Variants in NELL1 observed in about 807,000 individuals in gnomAD.
NELL1 encodes protein kinase C-binding protein NELL1.
Under a neutral mutation model 107.4 loss-of-function variants are expected in NELL1, and 76 were observed. The observed-to-expected ratio is 0.71, with a 90% CI of 0.59 to 0.86. The LOEUF is 0.86. NELL1 is among the 40% of genes least tolerant of loss of function. The pLI, the probability that NELL1 is intolerant of heterozygous loss-of-function variation, is 0.00. For synonymous variants in NELL1, 353 were observed against 341.2 expected, an observed-to-expected ratio of 1.03 and a Z score of -0.38; for missense variants, 1,024 against 1,005.5, an observed-to-expected ratio of 1.02 and a Z score of -0.25.
intron 15 of NELL1, among the ~76,000 whole-genome samples, chr11:21,515,892 G>A (rs1371339313): frequency 5.9e-5 from 9 of 152,184 alleles, no homozygotes; most frequent in Admixed American, 5.2e-4. Context: ...TGAGCTGAAC[G>A]AGTAGCTTCA....
At chr11:21,435,201 T>C (rs1853075537) in intron 15 of NELL1, among the ~76,000 whole-genome samples, 1 of 152,134 alleles carries the variant, frequency 6.6e-6, no homozygotes, top group Admixed American at 6.6e-5. Context: ...ATAGGACTTC[T>C]GGTCCTATCT....
chr11:20,995,250 T>G (rs1447760190), intron 12 of NELL1, among the ~76,000 whole-genome samples: 1 of 152,090 alleles, frequency 6.6e-6, no homozygotes, highest in Non-Finnish European at 1.5e-5. Context: ...CTAATTTTAG[T>G]AGCTGTAAAT....
At chr11:21,081,049 G>T (rs1854256208) in intron 12 of NELL1, among the ~76,000 whole-genome samples, 1 of 151,692 alleles carries the variant, frequency 6.6e-6, no homozygotes, top group Non-Finnish European at 1.5e-5. Context: ...TCTTAGAATT[G>T]GCTCTGTAGA....
intron 9 of NELL1, among the ~76,000 whole-genome samples, chr11:20,930,857 G>T (rs1330606837): frequency 6.8e-6 from 1 of 148,024 alleles, no homozygotes; most frequent in Non-Finnish European, 1.5e-5. Context: ...TAGTTAGGTA[G>T]CACTAATTTT....
At chr11:20,928,309 A>G (rs913435738) in intron 8 of NELL1, 68 bp from the exon 9 acceptor site, 218 of 1,384,018 alleles carry the variant, frequency 1.6e-4, no homozygotes, top group South Asian at 7.6e-4. Context: ...TGAGATTTCA[A>G]TGATCTCCAC....
At chr11:21,122,813 A>T (rs1417275103) in intron 13 of NELL1, among the ~76,000 whole-genome samples, 1 of 152,240 alleles carries the variant, frequency 6.6e-6, no homozygotes, top group Non-Finnish European at 1.5e-5. Flanking sequence ...AGAATTAAAA[A>T]AAAACAGAAT....
rs368816060 is a variant in NELL1, at chr11:21,335,605, G to C, written c.1550-35248G>C. ...CTTCACAGGGGATCTTTCAGAAGCA[G>C]ATGGATCCCCACTGTCAGGGCATCT... On this transcript the variant is annotated intron_variant, in intron 14 of 19. Coordinates refer to ENST00000357134, the MANE Select transcript of NELL1 (RefSeq NM_006157.5). Among the ~76,000 whole-genome samples the C allele has an allele frequency of 1.8e-3, 278 of 152,184 alleles. 9 individuals are homozygous for C. In the South Asian group the frequency reaches 0.054, roughly 29 times the overall value.
intron 10 of NELL1, among the ~76,000 whole-genome samples, chr11:20,942,426 G>A (rs1281308820): frequency 1.3e-5 from 2 of 152,126 alleles, no homozygotes; most frequent in African/African-American, 4.8e-5. Context: ...GACAACAAGG[G>A]CTTTAATGAT....
intron 12 of NELL1, among the ~76,000 whole-genome samples, chr11:21,078,542 G>A (rs981228482): frequency 2.0e-5 from 3 of 152,008 alleles, no homozygotes; most frequent in African/African-American, 7.2e-5. Context: ...CAACCGCAAG[G>A]GAAAATGAAT....
chr11:21,267,948 T>C (rs991678899), intron 14 of NELL1, among the ~76,000 whole-genome samples: 2 of 152,152 alleles, frequency 1.3e-5, no homozygotes, highest in Non-Finnish European at 2.9e-5. Context: ...ATGTGTGTCA[T>C]TATAGGTGAA....
chr11:20,729,136 AT>A (rs34134959), intron 2 of NELL1, among the ~76,000 whole-genome samples: 127,022 of 148,272 alleles, frequency 0.86, 53,405 homozygotes, highest in East Asian at 0.95. Context: ...AATGCTACTG[AT>A]TTTTTTTTAA....
chr11:21,068,384 T>C (rs1036627415), intron 12 of NELL1, among the ~76,000 whole-genome samples: 14 of 152,198 alleles, frequency 9.2e-5, no homozygotes, highest in Non-Finnish European at 1.0e-4. Flanking sequence ...AGTTAATAAA[T>C]AGTAGAGTCA....
intron 13 of NELL1, among the ~76,000 whole-genome samples, chr11:21,197,871 A>T (rs1451831023): frequency 6.6e-6 from 1 of 152,150 alleles, no homozygotes; most frequent in Non-Finnish European, 1.5e-5. Context: ...GGAGCTAGGG[A>T]TATCATCCTG....
In NELL1 at chr11:20,963,575, T is replaced by C. The variant is rs932197899; in HGVS notation, c.1300+3015T>C. ...ATGAATTAAATGAGATAAATGGTCA[T>C]GCAGGCCATTTCCCCAGCTCTCTCC... is the stretch of plus-strand genomic sequence containing the variant. On this transcript the variant is annotated intron_variant, in intron 12 of 19. Transcript: ENST00000357134. 3.8e-4 allele frequency among the ~76,000 whole-genome samples: 58 copies of C among 152,304 alleles called. 1 individual carries two copies. The highest frequency in any genetic ancestry group is 6.2e-4 in the South Asian group (3 of 4,832).
At chr11:20,677,213 C>T (rs1435643432) in intron 1 of NELL1, among the ~76,000 whole-genome samples, 1 of 152,190 alleles carries the variant, frequency 6.6e-6, no homozygotes, top group Non-Finnish European at 1.5e-5. Flanking sequence ...CTCTGCCACC[C>T]TTCTTCAACA....
intron 2 of NELL1, among the ~76,000 whole-genome samples, chr11:20,772,707 TACC>T (rs1856664767): frequency 6.6e-6 from 1 of 152,130 alleles, no homozygotes; most frequent in African/African-American, 2.4e-5. Flanking sequence ...GGAAAACAGC[TACC>T]TAAGGTCTTA....
chr11:21,515,538 G>A (rs1855537803), intron 15 of NELL1, among the ~76,000 whole-genome samples: 1 of 152,182 alleles, frequency 6.6e-6, no homozygotes, highest in Admixed American at 6.5e-5. Context: ...ACCCCATCTG[G>A]ACTTCTCCAC....
At chr11:20,815,431 TTA>T (rs1857603882) in intron 3 of NELL1, among the ~76,000 whole-genome samples, 1 of 152,154 alleles carries the variant, frequency 6.6e-6, no homozygotes, top group African/African-American at 2.4e-5. Flanking sequence ...GCATTTTTGC[TTA>T]TGTTTTTTGG....
At chr11:21,337,364 A>T (rs189974445) in intron 14 of NELL1, among the ~76,000 whole-genome samples, 2 of 152,324 alleles carry the variant, frequency 1.3e-5, no homozygotes, top group Non-Finnish European at 2.9e-5. Flanking sequence ...ATGGTAAATC[A>T]CCCAATCTCA....
Sources: gnomAD v4.1 joint callset for allele counts (sites outside exome capture counted in the v4.1 genomes callset) on GRCh38, gnomAD v4.1.1 for gene constraint, MANE v1.5 for transcripts, NCBI Gene and HGNC (gene_info 2026-07-23, HGNC 2026-07-21) for gene names.